The following SPOCK1 variants were observed in gnomAD, a reference collection of about 807,000 sequenced individuals.
The protein encoded by SPOCK1 is testican-1.
SPOCK1 carries 23 observed loss-of-function variants against 55.3 expected under a neutral mutation model. That is an observed-to-expected ratio of 0.42 (90% CI 0.30 to 0.59). The LOEUF (loss-of-function observed/expected upper bound fraction) is 0.59. Among genes scored for constraint, SPOCK1 ranks in the 20% least tolerant of loss-of-function variants. The pLI, the probability that SPOCK1 is intolerant of heterozygous loss-of-function variation, is 0.22. For synonymous variants in SPOCK1, 226 were observed against 221.0 expected, an observed-to-expected ratio of 1.02 and a Z score of -0.20; for missense variants, 499 against 552.5, an observed-to-expected ratio of 0.90 and a Z score of 0.97.
chr5:137,401,018 A>T (rs1751963835), intron 2 of SPOCK1, among the ~76,000 whole-genome samples: 1 of 150,452 alleles, frequency 6.6e-6, no homozygotes, highest in Non-Finnish European at 1.5e-5. Flanking sequence ...GTGGACAAGC[A>T]TGGGGCCAGT....
intron 6 of SPOCK1, among the ~76,000 whole-genome samples, chr5:137,063,321 A>G (rs921234201): frequency 3.3e-5 from 5 of 151,934 alleles, no homozygotes; most frequent in Admixed American, 2.0e-4. Context: ...AGGTTCCACC[A>G]TCTCTTCAGG....
chr5:137,401,276 TG>T (rs202212997), intron 2 of SPOCK1, among the ~76,000 whole-genome samples: 34 of 152,106 alleles, frequency 2.2e-4, no homozygotes, highest in African/African-American at 7.5e-4. Flanking sequence ...AAGAGTCTTG[TG>T]GGGGGCAGGG....
chr5:137,494,010 T>C (rs1462351355), intron 2 of SPOCK1, among the ~76,000 whole-genome samples: 1 of 152,200 alleles, frequency 6.6e-6, no homozygotes, highest in East Asian at 1.9e-4. Context: ...GTGCTCTTAT[T>C]AGAATTACAC....
intron 2 of SPOCK1, among the ~76,000 whole-genome samples, chr5:137,273,845 T>G (rs1285928722): frequency 1.3e-5 from 2 of 152,250 alleles, no homozygotes; most frequent in African/African-American, 4.8e-5. Context: ...TTCCTTTGCC[T>G]TGCAGTTTCA....
chr5:137,054,020 T>C (rs1323659421), intron 6 of SPOCK1, among the ~76,000 whole-genome samples: 2 of 152,148 alleles, frequency 1.3e-5, no homozygotes, highest in Non-Finnish European at 2.9e-5. Flanking sequence ...AAGGCTGGTA[T>C]TGTCAAATTG....
chr5:137,301,954 A>G (rs1379588802), intron 2 of SPOCK1, among the ~76,000 whole-genome samples: 1 of 152,194 alleles, frequency 6.6e-6, no homozygotes, highest in Non-Finnish European at 1.5e-5. Flanking sequence ...AGCCCACTCC[A>G]GGTGGCCCAT....
intron 6 of SPOCK1, among the ~76,000 whole-genome samples, chr5:137,035,474 C>T (rs536399289): frequency 2.6e-4 from 40 of 152,292 alleles, no homozygotes; most frequent in Non-Finnish European, 4.7e-4. Flanking sequence ...GACGGCAAAG[C>T]TGGAAGAGGG....
intron 2 of SPOCK1, among the ~76,000 whole-genome samples, chr5:137,347,721 C>CA (rs1191807961): frequency 1.3e-5 from 2 of 149,582 alleles, no homozygotes; most frequent in Non-Finnish European, 2.9e-5. Flanking sequence ...CATCTCAAAA[C>CA]AAAAAACAAA....
intron 2 of SPOCK1, among the ~76,000 whole-genome samples, chr5:137,322,710 CA>C (rs142049931): frequency 1.7e-4 from 24 of 143,380 alleles, no homozygotes; most frequent in African/African-American, 5.1e-4. Context: ...ATATCCTTAC[CA>C]AAAAAAAAAT....
chr5:136,983,209 T>TTATTTAGTGGAACAATCC (rs1750766889), intron 9 of SPOCK1, among the ~76,000 whole-genome samples: 1 of 152,176 alleles, frequency 6.6e-6, no homozygotes, highest in Non-Finnish European at 1.5e-5. Context: ...AATTTGCCTT[T>TTATTTAGTGGAACAATCC]TATTTAGTGG....
chr5:137,121,425 T>C (rs2127038060), intron 4 of SPOCK1, among the ~76,000 whole-genome samples: 1 of 152,050 alleles, frequency 6.6e-6, no homozygotes, highest in South Asian at 2.1e-4. Flanking sequence ...GAGCAAATTA[T>C]GTGGCCAATG....
intron 3 of SPOCK1, among the ~76,000 whole-genome samples, chr5:137,217,986 G>T (rs184345837): frequency 1.3e-5 from 2 of 151,410 alleles, no homozygotes; most frequent in East Asian, 3.9e-4. Flanking sequence ...AGAAGGAGAA[G>T]GAGAAGGAGA....
intron 3 of SPOCK1, among the ~76,000 whole-genome samples, chr5:137,260,887 G>C (rs1190539199): frequency 6.6e-6 from 1 of 152,230 alleles, no homozygotes; most frequent in East Asian, 1.9e-4. Flanking sequence ...GGCTGGAGCC[G>C]AGTGTGCGTG....
At chr5:137,360,138 A>G (rs1050862514) in intron 2 of SPOCK1, among the ~76,000 whole-genome samples, 2 of 152,242 alleles carry the variant, frequency 1.3e-5, no homozygotes, top group East Asian at 3.8e-4. Flanking sequence ...GCAAGATCCA[A>G]CATGCAATCA....
intron 3 of SPOCK1, among the ~76,000 whole-genome samples, chr5:137,211,389 AAAG>A (rs1178227189): frequency 2.6e-5 from 4 of 152,236 alleles, no homozygotes; most frequent in African/African-American, 4.8e-5. Flanking sequence ...TGATATTGTG[AAAG>A]AAGAAGTACA....
intron 2 of SPOCK1, among the ~76,000 whole-genome samples, chr5:137,356,818 TATATATATATATATATATATAGAG>T (rs1476751123): frequency 4.3e-5 from 1 of 23,192 alleles, no homozygotes; most frequent in African/African-American, 2.0e-4. Context: ...TATATATATA[TATATATATATATATATATATAGAG>T]AGAGAGAGAG....
chr5:137,499,040 C>G (rs1754380931), intron 1 of SPOCK1, 139 bp downstream of exon 1: 1 of 152,274 alleles, frequency 6.6e-6, no homozygotes, highest in Non-Finnish European at 1.5e-5. Flanking sequence ...GAAAGGTCTC[C>G]CTTGAGCGCC....
At chr5:137,158,228 A>G (rs1006870694) in intron 3 of SPOCK1, among the ~76,000 whole-genome samples, 1 of 152,174 alleles carries the variant, frequency 6.6e-6, no homozygotes, top group African/African-American at 2.4e-5. Context: ...AATGTGAAGG[A>G]GGAGCCCCAG....
intron 2 of SPOCK1, among the ~76,000 whole-genome samples, chr5:137,459,719 G>A (rs1753440885): frequency 6.6e-6 from 1 of 152,248 alleles, no homozygotes; most frequent in Admixed American, 6.5e-5. Context: ...TGCGCTCCAG[G>A]AGCTGACGGT....
Sources: gnomAD v4.1 joint callset for allele counts (sites outside exome capture counted in the v4.1 genomes callset) on GRCh38, gnomAD v4.1.1 for gene constraint, MANE v1.5 for transcripts, NCBI Gene and HGNC (gene_info 2026-07-23, HGNC 2026-07-21) for gene names.